The following ACSBG1 variants were observed in gnomAD, a reference collection of about 807,000 sequenced individuals.
The protein encoded by ACSBG1 is acyl-CoA synthetase bubblegum family member 1.
Under a neutral mutation model 80.2 loss-of-function variants are expected in ACSBG1, and 39 were observed. The ratio of observed to expected loss-of-function variants is 0.49; its 90% CI spans 0.38 to 0.64. The LOEUF is 0.64. Ranked by LOEUF, ACSBG1 falls within the 30% of genes least tolerant of loss-of-function variation. The pLI, the probability that ACSBG1 is intolerant of heterozygous loss-of-function variation, is 0.00. For synonymous variants in ACSBG1, 392 were observed against 379.5 expected (o/e 1.03, Z -0.38); for missense variants, 828 against 966.4 (o/e 0.86, Z 1.90).
In ACSBG1 at chr15:78,180,780, C is replaced by T. The variant is rs2074934135; in HGVS notation, c.1228G>A (p.Glu410Lys). The T allele has an allele frequency of 6.2e-7, 1 of 1,614,130 alleles. No individual in the cohort carries two copies. Among genetic ancestry groups the T allele is most frequent in the Non-Finnish European group, 8.5e-7 (1 of 1,180,022 alleles). The change falls in exon 9 of 14, where the codon GAG becomes AAG. Residue 410 changes from glutamate to lysine, a missense_variant. By Grantham distance (56) the Glu-to-Lys change is moderately conservative. This residue lies in a region of ACSBG1 where 271 missense variants were observed against 375.9 expected (regional missense o/e 0.72). Transcript: ENST00000258873. ...CTGCCGGGGCAGGTGAGGTTCTGCTCCAAGGTCACCGACATGGCCCACAGC... is the reference window on the plus strand; with the variant it reads ...CTGCCGGGGCAGGTGAGGTTCTGCTTCAAGGTCACCGACATGGCCCACAGC... ...MLLWAMSVTL[E>K]QNLTCPGSDL... is the part of the protein sequence containing the mutation.
intron 1 of ACSBG1, among the ~76,000 whole-genome samples, chr15:78,218,778 C>CT (rs559754915): frequency 0.045 from 5,504 of 122,746 alleles, 345 homozygotes; most frequent in African/African-American, 0.15. Context: ...TTGCATCTCC[C>CT]TTTTTTTTTT....
chr15:78,226,802 A>ATAATATATATAATAT (rs1555434840), intron 1 of ACSBG1, among the ~76,000 whole-genome samples: 2 of 141,342 alleles, frequency 1.4e-5, no homozygotes, highest in African/African-American at 2.6e-5. Context: ...ATATATATAT[A>ATAATATATATAATAT]ATATATATAT....
chr15:78,198,675 T>C (rs1013554996), intron 2 of ACSBG1, among the ~76,000 whole-genome samples: 1 of 152,244 alleles, frequency 6.6e-6, no homozygotes, highest in Non-Finnish European at 1.5e-5. Flanking sequence ...GACAAAAATA[T>C]GCATACTTGT....
chr15:78,176,347 G>A (rs558032244), intron 11 of ACSBG1, among the ~76,000 whole-genome samples: 1 of 152,146 alleles, frequency 6.6e-6, no homozygotes, highest in Non-Finnish European at 1.5e-5. Context: ...AAATTCATCT[G>A]CTATTTGCAG....
intron 2 of ACSBG1, among the ~76,000 whole-genome samples, chr15:78,200,245 G>A (rs1032309983): frequency 6.6e-6 from 1 of 152,152 alleles, no homozygotes; most frequent in African/African-American, 2.4e-5. Flanking sequence ...GGTCTGCAAT[G>A]TCAGTCTCCT....
chr15:78,228,123 T>C (rs1220706488), intron 1 of ACSBG1, among the ~76,000 whole-genome samples: 2 of 152,212 alleles, frequency 1.3e-5, no homozygotes, highest in Non-Finnish European at 2.9e-5. Context: ...CTAGATGTCC[T>C]TCACATGGTC....
At chr15:78,222,913 G>T (rs2075370364) in intron 1 of ACSBG1, among the ~76,000 whole-genome samples, 1 of 152,152 alleles carries the variant, frequency 6.6e-6, no homozygotes, top group Non-Finnish European at 1.5e-5. Context: ...TTAAATAGAA[G>T]ATGGGAGGAT....
intron 1 of ACSBG1, among the ~76,000 whole-genome samples, chr15:78,224,983 G>A (rs1488935157): frequency 7.8e-6 from 1 of 128,424 alleles, no homozygotes; most frequent in Non-Finnish European, 1.8e-5. Flanking sequence ...AAAGTCTTAG[G>A]GGATCTACAA....
intron 5 of ACSBG1, among the ~76,000 whole-genome samples, chr15:78,191,820 G>C (rs1297075079): frequency 6.6e-6 from 1 of 152,142 alleles, no homozygotes; most frequent in Admixed American, 6.5e-5. Flanking sequence ...TATCACCTAT[G>C]GGGTGACATA....
At chr15:78,214,562 C>A (rs12917090) in intron 1 of ACSBG1, among the ~76,000 whole-genome samples, 38,316 of 152,056 alleles carry the variant, frequency 0.25, 5,471 homozygotes, top group Non-Finnish European at 0.33. Flanking sequence ...GCCTCAGCCT[C>A]CTGAGTAGCT....
chr15:78,181,882 C>CACACAAATGCACTCAGGGCCCACAG, intron 8 of ACSBG1, 87 bp downstream of exon 8: 1 of 1,500,424 alleles, frequency 6.7e-7, no homozygotes, highest in Non-Finnish European at 9.1e-7. Context: ...GAACAGCACA[C>CACACAAATGCACTCAGGGCCCACAG]ACACAAATGC....
At chr15:78,228,056 A>G (rs889415523) in intron 1 of ACSBG1, among the ~76,000 whole-genome samples, 3 of 152,200 alleles carry the variant, frequency 2.0e-5, no homozygotes, top group African/African-American at 7.2e-5. Context: ...CTCCACACCC[A>G]GCTGACATCT....
At position 78,168,759 on chromosome 15, in the gene ACSBG1, G is replaced by A. The variant is rs190738086; in HGVS notation, c.*2685C>T. 949 of 606,962 alleles carry A rather than the reference G, an allele frequency of 1.6e-3. 3 individuals carry two copies. Among genetic ancestry groups the A allele is most frequent in the Non-Finnish European group, 2.0e-3 (650 of 332,764 alleles). The allele number at this position is 606,962 out of a possible 1,614,324, so 37.6% of individuals were successfully genotyped here. On this transcript the variant is annotated 3_prime_UTR_variant, in exon 14 of 14. Transcript: ENST00000258873. The stretch of plus-strand genomic sequence containing the variant: ...GATTGGATCCCGATCCTCCTGGGCT[G>A]GGTAGATGGTGGTGGAGTGGTTCCT...
intron 5 of ACSBG1, among the ~76,000 whole-genome samples, chr15:78,185,851 T>A (rs2074998705): frequency 1.3e-5 from 2 of 151,300 alleles, no homozygotes; most frequent in Non-Finnish European, 2.9e-5. Flanking sequence ...TGAAATGAAA[T>A]ATTTAAAGTG....
intron 1 of ACSBG1, among the ~76,000 whole-genome samples, chr15:78,229,634 GC>G (rs2075430716): frequency 6.6e-6 from 1 of 152,170 alleles, no homozygotes; most frequent in African/African-American, 2.4e-5. Context: ...TCAGCTAGGA[GC>G]CCAGAGTGAG....
Position 78,194,095 on chromosome 15 carries a change from C to G in ACSBG1, c.454-75G>C, listed in dbSNP as rs563711172. ...CCTCATGCCCCTCTCAGAGCCCCCACCCAGACTGCAGGGGACCTGCAGGCT... is the reference window on the plus strand; with the variant it reads ...CCTCATGCCCCTCTCAGAGCCCCCAGCCAGACTGCAGGGGACCTGCAGGCT... On this transcript the variant is annotated intron_variant, in intron 3 of 13. Transcript: ENST00000258873. 4.8e-6 allele frequency: 7 copies of G among 1,446,234 alleles called. No homozygotes were observed. In the South Asian group the frequency reaches 6.9e-5, roughly 14 times the overall value. The allele number at this position is 1,446,234 out of a possible 1,614,324, so 89.6% of individuals were successfully genotyped here.
chr15:78,197,719 T>A (rs1277544289), intron 2 of ACSBG1, among the ~76,000 whole-genome samples: 48 of 103,346 alleles, frequency 4.6e-4, no homozygotes, highest in African/African-American at 1.7e-3. Context: ...ACTCTGTCTT[T>A]AAAAAAAAAA....
chr15:78,182,115 C>A lies in ACSBG1; in HGVS notation c.925G>T (p.Ala309Ser), dbSNP rs2074951829. 1.2e-6 allele frequency: 2 copies of A among 1,611,004 alleles called. No homozygotes were observed. The highest frequency in any genetic ancestry group is 1.7e-6 in the Non-Finnish European group (2 of 1,179,958). ...ACTTCTGCCGGCCGGATGTCACCGG[C>A]CTGGCTGCCGTACCGTGCCGTCCAC... ...ITWTARYGSQ[A>S]GDIRPAEVQQ... Residue 309 changes from alanine (A) to serine (S), a missense_variant, in exon 8 of 14, where the codon GCC (alanine) becomes TCC (serine). Around this residue, in one of 3 missense-constraint regions of ACSBG1, gnomAD observed 271 missense variants for 375.9 expected, o/e 0.72. Coordinates refer to ENST00000258873, the MANE Select transcript of ACSBG1 (RefSeq NM_015162.5).
intron 11 of ACSBG1, 166 bp from the exon 12 acceptor site, chr15:78,174,690 C>CCCCCAAGCAGG: frequency 1.3e-6 from 1 of 751,340 alleles, no homozygotes. Flanking sequence ...CTCACACCTG[C>CCCCCAAGCAGG]TTGGGGGCTG....
Sources: gnomAD v4.1 joint callset for allele counts (sites outside exome capture counted in the v4.1 genomes callset) on GRCh38, gnomAD v4.1.1 for gene constraint, gnomAD v4.1.1 regional missense constraint, MANE v1.5 for transcripts, NCBI Gene and HGNC (gene_info 2026-07-23, HGNC 2026-07-21) for gene names.